The following DAND5 variants were observed in gnomAD, a reference collection of about 807,000 sequenced individuals.
DAND5 encodes the protein DAN domain family member 5.
DAND5 carries 8 observed loss-of-function variants against 9.2 expected under a neutral mutation model. The observed-to-expected ratio is 0.87, with a 90% CI of 0.51 to 1.56. The LOEUF is 1.56. Ranked by LOEUF, DAND5 falls within the 40% of genes most tolerant of loss-of-function variation. The probability of loss-of-function intolerance (pLI) is 0.00; values close to 1 mark genes in which losing one functional copy is unlikely to be tolerated. For missense variants in DAND5, 244 were observed against 244.7 expected, an observed-to-expected ratio of 1.00 and a Z score of 0.02; for synonymous variants, 95 against 101.1, an observed-to-expected ratio of 0.94 and a Z score of 0.36.
In DAND5 at chr19:12,973,060, C is replaced by T. The variant is rs1019591194; in HGVS notation, c.325-329C>T. Among the ~76,000 whole-genome samples, 42 of 151,768 alleles carry T rather than the reference C, an allele frequency of 2.8e-4. 1 individual carries two copies. The highest frequency in any genetic ancestry group is 3.9e-4 in the Admixed American group (6 of 15,210). On this transcript the variant is annotated intron_variant, in intron 1 of 1. Transcript: ENST00000317060. ...TGTATTTTTAGTAGAGACGGGGTTT[C>T]ACCGTGTTGGCCAGGATGGTCTCGA...
chr19:12,969,679 T>A lies in DAND5; in HGVS notation c.19T>A (p.Ser7Thr). 6.2e-7 allele frequency: 1 copy of A among 1,606,114 alleles called. No individual in the cohort carries two copies. The highest frequency in any genetic ancestry group is 8.5e-7 in the Non-Finnish European group (1 of 1,176,590). The stretch of plus-strand genomic sequence containing the variant: ...CAAGCAGATGCTCCTTGGCCAGCTA[T>A]CCACTCTTCTGTGCCTGCTTAGCGG... MLLGQL[S>T]TLLCLLSGAL... The change falls in exon 1 of 2, where the codon TCC becomes ACC. Residue 7 changes from serine (S) to threonine (T), a missense_variant. Transcript: ENST00000317060.
Position 12,973,028 on chromosome 19 carries a change from C to A in DAND5, c.325-361C>A, listed in dbSNP as rs572400237. Among the ~76,000 whole-genome samples the A allele has an allele frequency of 2.2e-3, 324 of 150,428 alleles. 4 individuals are homozygous for A. Among genetic ancestry groups the A allele is most frequent in the South Asian group, 0.011 (52 of 4,664 alleles). ...CAGGCGCCCACCACCACGCCCGGCT[C>A]ATTTTTTGTATTTTTAGTAGAGACG... On this transcript the variant is annotated intron_variant, in intron 1 of 1. Transcript: ENST00000317060.
chr19:12,971,185 G>A (rs1334608006), intron 1 of DAND5, among the ~76,000 whole-genome samples: 3 of 152,162 alleles, frequency 2.0e-5, no homozygotes, highest in Non-Finnish European at 4.4e-5. Context: ...TCCCCCTAGG[G>A]TGCTAGTTGG....
At position 12,973,538 on chromosome 19, in the gene DAND5, G is replaced by C; in HGVS notation, c.474G>C (p.Val158=). Residue 158 remains valine, a synonymous_variant, in exon 2 of 2, where the codon GTG becomes GTC. Coordinates refer to ENST00000317060, the MANE Select transcript of DAND5 (RefSeq NM_152654.3). ...CTGCTCGCAAGCGTTGGGCACCCGT[G>C]GTCCTGTGGTGTCTCACTGGCAGCT... is the stretch of plus-strand genomic sequence containing the variant. ...CMPARKRWAP[V]VLWCLTGSSA... 2 of 1,614,170 alleles carry C rather than the reference G, an allele frequency of 1.2e-6. No homozygotes were observed. The highest frequency in any genetic ancestry group is 1.7e-6 in the Non-Finnish European group (2 of 1,180,042).
At chr19:12,970,098 C>T (rs571153308) in intron 1 of DAND5, 114 bp downstream of exon 1, 79 of 1,271,812 alleles carry the variant, frequency 6.2e-5, no homozygotes, top group Middle Eastern at 2.7e-4. Flanking sequence ...CTGAATGTCT[C>T]GGTGCCTCAG....
intron 1 of DAND5, chr19:12,970,639 C>CTCTTTCTTTCTTTCTTTCTTTCTTTCTT (rs60689658): frequency 2.2e-6 from 1 of 458,288 alleles, no homozygotes; most frequent in African/African-American, 2.2e-5. Context: ...TTCTTTTTTT[C>CTCTTTCTTTCTTTCTTTCTTTCTTTCTT]TCTTTCTTTC....
intron 1 of DAND5, chr19:12,970,591 TC>T (rs1195869456): frequency 4.0e-6 from 2 of 497,900 alleles, no homozygotes; most frequent in Non-Finnish European, 7.1e-6. Flanking sequence ...TTTCTTTCTT[TC>T]TTTTTCTCTT....
intron 1 of DAND5, among the ~76,000 whole-genome samples, chr19:12,971,731 C>T (rs2011146345): frequency 6.6e-6 from 1 of 151,862 alleles, no homozygotes; most frequent in Admixed American, 6.6e-5. Context: ...GCTGGGACCA[C>T]GGGCGCCTGC....
In DAND5 at chr19:12,969,578, T is replaced by C. The variant is rs757851821; in HGVS notation, c.-83T>C. On this transcript the variant is annotated 5_prime_UTR_variant, in exon 1 of 2. Transcript: ENST00000317060. ...CAGGTTCAGAAGGCTCAGATGCCAC[T>C]CACCAGACAGCAGGGTCGACTGCTA... is the stretch of plus-strand genomic sequence containing the variant. 1 of 1,467,330 alleles carries C rather than the reference T, an allele frequency of 6.8e-7. No individual in the cohort carries two copies. Among genetic ancestry groups the C allele is most frequent in the African/African-American group, 1.4e-5 (1 of 70,732 alleles). 90.9% of individuals were successfully genotyped at this position (1,467,330 alleles called of 1,614,324 possible).
At chr19:12,972,708 G>C (rs1479508779) in intron 1 of DAND5, among the ~76,000 whole-genome samples, 1 of 151,576 alleles carries the variant, frequency 6.6e-6, no homozygotes, top group Non-Finnish European at 1.5e-5. Context: ...GCCCGGCTAA[G>C]TTTTGTATTT....
chr19:12,970,187 C>A (rs746233522), intron 1 of DAND5, among the ~76,000 whole-genome samples: 1 of 151,822 alleles, frequency 6.6e-6, no homozygotes, highest in East Asian at 1.9e-4. Flanking sequence ...CTCTCCACCC[C>A]CCAGTCTATT....
intron 1 of DAND5, chr19:12,970,598 C>CTCTT (rs149778303): frequency 0.037 from 18,159 of 485,234 alleles, 417 homozygotes; most frequent in Non-Finnish European, 0.05. Flanking sequence ...CTTTCTTTTT[C>CTCTT]TCTTTCTTTC....
In DAND5 at chr19:12,969,876, G is replaced by T; in HGVS notation, c.216G>T (p.Leu72=). 1 of 1,614,136 alleles carries T rather than the reference G, an allele frequency of 6.2e-7. No homozygotes were observed. The highest frequency in any genetic ancestry group is 8.5e-7 in the Non-Finnish European group (1 of 1,179,998). Residue 72 remains leucine (L), a synonymous_variant, in exon 1 of 2, where the codon CTG becomes CTT. Transcript: ENST00000317060. ...AFLGLQKARQ[L]GMGRLQRGQD... ...TGGGCCTGCAGAAAGCCAGGCAGCT[G>T]GGGATGGGCAGGCTGCAGCGTGGGC...
rs184014702 is a variant in DAND5 at position 12,973,962 on chromosome 19, A to G, written c.*328A>G. On this transcript the variant is annotated 3_prime_UTR_variant, in exon 2 of 2. Coordinates refer to ENST00000317060, the MANE Select transcript of DAND5 (RefSeq NM_152654.3). ...ACTGCAAGCTCCACCTCCCGGGTTT[A>G]TGCCATTCTCCTGTCTCAGCCTCCC... 1,420 of 244,228 alleles carry G rather than the reference A, an allele frequency of 5.8e-3. 6 individuals carry two copies. The highest frequency in any genetic ancestry group is 8.6e-3 in the Non-Finnish European group (1,084 of 125,468). 15.1% of individuals were successfully genotyped at this position (244,228 alleles called of 1,614,324 possible). A position where few individuals can be genotyped will look rare whatever the true frequency, so the allele number is the denominator to read the frequency against.
chr19:12,974,737 A>C lies in DAND5; in HGVS notation c.*1103A>C, dbSNP rs770421435. 2.0e-5 allele frequency: 3 copies of C among 152,552 alleles called. No individual in the cohort carries two copies. The highest frequency in any genetic ancestry group is 4.4e-5 in the Non-Finnish European group (3 of 68,334). The allele number at this position is 152,552 out of a possible 1,614,324, so 9.4% of individuals were successfully genotyped here. On this transcript the variant is annotated 3_prime_UTR_variant, in exon 2 of 2. Coordinates refer to ENST00000317060, the MANE Select transcript of DAND5 (RefSeq NM_152654.3). The stretch of plus-strand genomic sequence containing the variant: ...TGGCATGGCATTCCACAGAAACCAT[A>C]AAGGTTGGCTGAGTCCAGCTGTCTA...
chr19:12,972,982 T>C (rs373848720), intron 1 of DAND5, among the ~76,000 whole-genome samples: 1,512 of 150,670 alleles, frequency 0.01, 31 homozygotes, highest in African/African-American at 0.034. Context: ...TCTGCCTCAG[T>C]CTCCCGAGTA....
At chr19:12,971,179 C>T (rs573863795) in intron 1 of DAND5, among the ~76,000 whole-genome samples, 2 of 152,300 alleles carry the variant, frequency 1.3e-5, no homozygotes, top group South Asian at 2.1e-4. Context: ...GTCCCTTCCC[C>T]CTAGGGTGCT....
chr19:12,973,305 G>A (rs549989134), intron 1 of DAND5, 84 bp from the exon 2 acceptor site: 2 of 1,539,412 alleles, frequency 1.3e-6, no homozygotes, highest in Non-Finnish European at 1.8e-6. Flanking sequence ...CTGTCAAGGT[G>A]GGGTGGAAGT....
At chr19:12,972,702 G>A (rs926124184) in intron 1 of DAND5, among the ~76,000 whole-genome samples, 5 of 151,814 alleles carry the variant, frequency 3.3e-5, no homozygotes, top group Non-Finnish European at 4.4e-5. Context: ...GCCCATGCCC[G>A]GCTAAGTTTT....
Sources: gnomAD v4.1 joint callset for allele counts (sites outside exome capture counted in the v4.1 genomes callset) on GRCh38, gnomAD v4.1.1 for gene constraint, MANE v1.5 for transcripts, NCBI Gene and HGNC (gene_info 2026-07-23, HGNC 2026-07-21) for gene names.